The following CSMD1 variants were observed in gnomAD, a reference collection of about 807,000 sequenced individuals.
CSMD1 encodes CUB and Sushi multiple domains 1, also known as CUB and sushi domain-containing protein 1.
Under a neutral mutation model 417.5 loss-of-function variants are expected in CSMD1, and 213 were observed. That is an observed-to-expected ratio of 0.51 (90% confidence interval 0.46 to 0.57). The LOEUF (loss-of-function observed/expected upper bound fraction) is 0.57, where lower values mean the gene tolerates loss of function less well. CSMD1 is among the 20% of genes least tolerant of loss of function. CSMD1 has a pLI of 0.00. For missense variants in CSMD1, 6,923 were observed against 4,529.7 expected (o/e 1.53, Z -15.17); for synonymous variants, 2,862 against 1,736.8 (o/e 1.65, Z -16.11).
chr8:3,303,476 C>T (rs1011855534), intron 25 of CSMD1, among the ~76,000 whole-genome samples: 4 of 152,130 alleles, frequency 2.6e-5, no homozygotes, highest in Non-Finnish European at 5.9e-5. Context: ...ACCTTGATAC[C>T]TTTTTGATAT....
intron 2 of CSMD1, among the ~76,000 whole-genome samples, chr8:4,527,533 G>C (rs1285883513): frequency 3.0e-4 from 45 of 152,100 alleles, no homozygotes; most frequent in Admixed American, 3.0e-3. Flanking sequence ...CAGGTTATCC[G>C]TACCAGCAGG....
Position 4,278,592 on chromosome 8 carries a change from A to G in CSMD1, c.415+141361T>C, listed in dbSNP as rs554950159. Among the ~76,000 whole-genome samples, 584 of 152,368 alleles carry G rather than the reference A, an allele frequency of 3.8e-3. 4 individuals carry two copies. Among genetic ancestry groups the G allele is most frequent in the African/African-American group, 0.014 (565 of 41,588 alleles). ...GATAACATATGCCTATTTTTAGAAAATGATTAAATAAATTCATGAATGGAA... is the reference window on the plus strand; with the variant it reads ...GATAACATATGCCTATTTTTAGAAAGTGATTAAATAAATTCATGAATGGAA... On this transcript the variant is annotated intron_variant, in intron 3 of 69. Coordinates refer to ENST00000635120, the MANE Select transcript of CSMD1 (RefSeq NM_033225.6).
At chr8:3,053,999 T>C (rs1291266016) in intron 49 of CSMD1, among the ~76,000 whole-genome samples, 2 of 152,178 alleles carry the variant, frequency 1.3e-5, no homozygotes, top group Non-Finnish European at 2.9e-5. Context: ...GAAATGTATA[T>C]AAACACATAA....
chr8:4,209,558 C>G (rs973845724), intron 3 of CSMD1, among the ~76,000 whole-genome samples: 4 of 152,194 alleles, frequency 2.6e-5, no homozygotes, highest in African/African-American at 7.2e-5. Flanking sequence ...GCCATGCTGC[C>G]TCTTCTGGCA....
At chr8:4,075,975 G>A (rs759463404) in intron 3 of CSMD1, among the ~76,000 whole-genome samples, 1 of 152,114 alleles carries the variant, frequency 6.6e-6, no homozygotes, top group Admixed American at 6.5e-5. Context: ...TTAAAACATA[G>A]AATTGTTTCT....
chr8:4,799,417 C>A (rs1041620157), intron 1 of CSMD1, among the ~76,000 whole-genome samples: 3 of 151,482 alleles, frequency 2.0e-5, no homozygotes, highest in Non-Finnish European at 4.4e-5. Flanking sequence ...GCCACCATGG[C>A]AAAACCCCCT....
intron 1 of CSMD1, among the ~76,000 whole-genome samples, chr8:4,720,739 G>A (rs1808997704): frequency 6.6e-6 from 1 of 152,066 alleles, no homozygotes; most frequent in African/African-American, 2.4e-5. Context: ...TTTCTTATTT[G>A]GAATATTTAT....
At chr8:3,434,029 T>C (rs948296568) in intron 12 of CSMD1, among the ~76,000 whole-genome samples, 1 of 152,214 alleles carries the variant, frequency 6.6e-6, no homozygotes, top group Non-Finnish European at 1.5e-5. Context: ...TCTCATGAAC[T>C]ACAACAATCG....
chr8:3,646,303 C>G (rs1797568002), intron 7 of CSMD1, among the ~76,000 whole-genome samples: 1 of 152,046 alleles, frequency 6.6e-6, no homozygotes. Context: ...ATGAAATATA[C>G]TAAATATACT....
intron 6 of CSMD1, among the ~76,000 whole-genome samples, chr8:3,743,858 C>G (rs1563332537): frequency 6.6e-6 from 1 of 152,184 alleles, no homozygotes; most frequent in African/African-American, 2.4e-5. Context: ...CCAATTTCGT[C>G]TATGTTATCG....
At chr8:4,535,408 A>G (rs1440729593) in intron 2 of CSMD1, among the ~76,000 whole-genome samples, 1 of 152,176 alleles carries the variant, frequency 6.6e-6, no homozygotes, top group Non-Finnish European at 1.5e-5. Context: ...AAGGATGAAC[A>G]ATAGAATTCA....
At chr8:3,370,217 A>G (rs1809861411) in intron 18 of CSMD1, among the ~76,000 whole-genome samples, 2 of 152,196 alleles carry the variant, frequency 1.3e-5, no homozygotes, top group South Asian at 4.1e-4. Flanking sequence ...CGTTCCCGCC[A>G]ACTTTCTTCT....
intron 48 of CSMD1, among the ~76,000 whole-genome samples, chr8:3,089,766 C>CTA (rs397939209): frequency 6.6e-6 from 1 of 151,848 alleles, no homozygotes; most frequent in East Asian, 1.9e-4. Flanking sequence ...CTCTCTCTCT[C>CTA]CACTTAAACA....
rs111554640 is a variant in CSMD1, at chr8:4,925,015, G to C, written c.85+69317C>G. On this transcript the variant is annotated intron_variant, in intron 1 of 69. Coordinates refer to ENST00000635120, the MANE Select transcript of CSMD1 (RefSeq NM_033225.6). Reference sequence around the variant, plus strand: ...TAAATACCTCCAATAAATATTTCTGGAATGAATGAGCAAGTGACTTGAATT... The same window carrying C: ...TAAATACCTCCAATAAATATTTCTGCAATGAATGAGCAAGTGACTTGAATT... Among the ~76,000 whole-genome samples the C allele has an allele frequency of 6.0e-3, 905 of 151,962 alleles. 12 individuals carry two copies. The highest frequency in any genetic ancestry group is 0.02 in the African/African-American group (844 of 41,458).
At chr8:3,586,385 G>C (rs1459174839) in intron 8 of CSMD1, 125 bp from the exon 9 acceptor site, 2 of 880,418 alleles carry the variant, frequency 2.3e-6, no homozygotes, top group Non-Finnish European at 3.3e-6. Flanking sequence ...AAGACATTAA[G>C]CAACTCATTA....
rs144281084 is a variant in CSMD1 at position 3,615,448 on chromosome 8, C to T, written c.1097+1262G>A. On this transcript the variant is annotated intron_variant, in intron 8 of 69. Coordinates refer to ENST00000635120, the MANE Select transcript of CSMD1 (RefSeq NM_033225.6). ...ATAAGAAATTTCATCTCAAGCTCTG[C>T]CTCAAATGGATTTCAGCGAAAACAC... Among the ~76,000 whole-genome samples the T allele has an allele frequency of 1.2e-4, 18 of 152,288 alleles. No individual in the cohort carries two copies. In the East Asian group the frequency reaches 3.5e-3, roughly 29 times the overall value.
At chr8:4,149,701 G>A (rs974917385) in intron 3 of CSMD1, among the ~76,000 whole-genome samples, 1 of 152,214 alleles carries the variant, frequency 6.6e-6, no homozygotes, top group African/African-American at 2.4e-5. Context: ...GCTGAGTGAT[G>A]CTGAGCTCCA....
At chr8:3,108,476 G>C in intron 44 of CSMD1, 127 bp downstream of exon 44, 2 of 900,964 alleles carry the variant, frequency 2.2e-6, no homozygotes, top group South Asian at 4.1e-5. Flanking sequence ...GGCCTCCAGT[G>C]CAAAAGAATC....
intron 3 of CSMD1, among the ~76,000 whole-genome samples, chr8:4,272,793 TTACTC>T (rs1259875040): frequency 6.6e-6 from 1 of 152,186 alleles, no homozygotes; most frequent in African/African-American, 2.4e-5. Context: ...GAGATGACCT[TTACTC>T]TAACTCACCA....
Sources: allele counts gnomAD v4.1 joint callset (sites outside exome capture counted in the v4.1 genomes callset), GRCh38; gene constraint gnomAD v4.1.1; transcripts MANE v1.5; gene names NCBI Gene and HGNC (gene_info 2026-07-23, HGNC 2026-07-21).